PAN3: variants seen among roughly 807,000 people sequenced by gnomAD.
PAN3 encodes the protein poly(A) specific ribonuclease subunit PAN3.
In PAN3, 19 loss-of-function variants were observed where a neutral mutation model predicts 96.2. The ratio of observed to expected loss-of-function variants is 0.20; its 90% CI spans 0.14 to 0.29. The LOEUF (loss-of-function observed/expected upper bound fraction) is 0.29. Among genes scored for constraint, PAN3 ranks in the 10% least tolerant of loss-of-function variants. The probability of loss-of-function intolerance (pLI) is 1.00; values close to 1 mark genes in which losing one functional copy is unlikely to be tolerated. For synonymous variants in PAN3, 433 were observed against 406.6 expected (o/e 1.06, Z -0.78); for missense variants, 882 against 1,108.1 (o/e 0.80, Z 2.90).
chr13:28,154,433 A>G (rs1871820167), intron 1 of PAN3, among the ~76,000 whole-genome samples: 1 of 151,680 alleles, frequency 6.6e-6, no homozygotes, highest in Admixed American at 6.6e-5. Context: ...ATCTTGGTGC[A>G]TAGATATGAC....
intron 5 of PAN3, among the ~76,000 whole-genome samples, chr13:28,218,848 C>G (rs1016974477): frequency 6.6e-6 from 1 of 152,072 alleles, no homozygotes; most frequent in African/African-American, 2.4e-5. Flanking sequence ...TTGCTGTCTC[C>G]TGGTAATCTT....
At chr13:28,268,165 T>G (rs983260869) in intron 12 of PAN3, among the ~76,000 whole-genome samples, 4 of 152,176 alleles carry the variant, frequency 2.6e-5, no homozygotes, top group African/African-American at 7.2e-5. Flanking sequence ...TGTGAATCTT[T>G]TAGTACATTT....
intron 14 of PAN3, among the ~76,000 whole-genome samples, chr13:28,276,952 A>C (rs1024162082): frequency 6.6e-6 from 1 of 152,200 alleles, no homozygotes; most frequent in Admixed American, 6.5e-5. Flanking sequence ...GGAATTGCTT[A>C]AAGTCTCTTA....
intron 6 of PAN3, chr13:28,239,501 A>G: frequency 1.3e-6 from 1 of 757,396 alleles, no homozygotes; most frequent in South Asian, 1.7e-5. Flanking sequence ...GGACCCAGTA[A>G]GTTTGTCCTT....
chr13:28,167,275 C>T (rs1316812781), intron 1 of PAN3, among the ~76,000 whole-genome samples: 3 of 151,560 alleles, frequency 2.0e-5, no homozygotes, highest in Admixed American at 2.0e-4. Flanking sequence ...TAGCTGCAAC[C>T]TCCACCTCCT....
At chr13:28,231,923 A>C (rs1882598057) in intron 6 of PAN3, among the ~76,000 whole-genome samples, 1 of 152,138 alleles carries the variant, frequency 6.6e-6, no homozygotes, top group African/African-American at 2.4e-5. Context: ...ATAAATAAAT[A>C]AATAAATCTT....
At chr13:28,141,470 T>C (rs1254653589) in intron 1 of PAN3, among the ~76,000 whole-genome samples, 48 of 139,834 alleles carry the variant, frequency 3.4e-4, no homozygotes, top group East Asian at 2.4e-3. Context: ...TTCTTTTTTT[T>C]TTTTTTTTTT....
At chr13:28,139,227 G>C (rs1435746265) in intron 1 of PAN3, 140 bp downstream of exon 1, 1 of 995,072 alleles carries the variant, frequency 1.0e-6, no homozygotes, top group South Asian at 5.1e-5. Context: ...GGCCTAGGCC[G>C]GGCCTGAGCC....
chr13:28,240,664 C>T (rs186745682), intron 6 of PAN3, among the ~76,000 whole-genome samples: 145 of 152,294 alleles, frequency 9.5e-4, no homozygotes, highest in African/African-American at 3.3e-3. Context: ...TCAACTTTCG[C>T]TCCATAGCTG....
intron 6 of PAN3, among the ~76,000 whole-genome samples, chr13:28,220,833 A>G (rs1289844739): frequency 6.6e-6 from 1 of 152,192 alleles, no homozygotes; most frequent in East Asian, 1.9e-4. Context: ...ATTTGATTAT[A>G]AATGCTATAG....
intron 6 of PAN3, among the ~76,000 whole-genome samples, chr13:28,244,537 A>T (rs1883992963): frequency 6.6e-6 from 1 of 152,170 alleles, no homozygotes; most frequent in Non-Finnish European, 1.5e-5. Flanking sequence ...CATAAAGTAT[A>T]ACCTTTATGT....
intron 1 of PAN3, among the ~76,000 whole-genome samples, chr13:28,162,307 G>A (rs76170054): frequency 0.058 from 8,752 of 152,208 alleles, 487 homozygotes; most frequent in East Asian, 0.32. Context: ...CTGCTGAGGG[G>A]GTAGAGGAGC....
chr13:28,254,211 A>G (rs950451011), intron 6 of PAN3, among the ~76,000 whole-genome samples: 4 of 152,122 alleles, frequency 2.6e-5, no homozygotes, highest in Admixed American at 6.5e-5. Context: ...AATTAAATCA[A>G]CCTGAGTTTG....
intron 4 of PAN3, among the ~76,000 whole-genome samples, chr13:28,195,806 G>C (rs1016973906): frequency 2.6e-5 from 4 of 152,154 alleles, no homozygotes; most frequent in African/African-American, 9.7e-5. Context: ...AAAGTGCTGG[G>C]ATTAAGGCAT....
In PAN3 at chr13:28,293,585, G is replaced by A. The variant is rs759039237; in HGVS notation, c.*1063G>A. 4.6e-5 allele frequency: 7 copies of A among 152,320 alleles called. No individual in the cohort carries two copies. Among genetic ancestry groups the A allele is most frequent in the African/African-American group, 7.3e-5 (3 of 41,316 alleles). The allele number at this position is 152,320 out of a possible 1,614,324, so 9.4% of individuals were successfully genotyped here. On this transcript the variant is annotated 3_prime_UTR_variant, in exon 19 of 19. Transcript: ENST00000380958. ...TACAGCCTGAATTTGGAGGGATAAC[G>A]ATCTGCTGTGCCTTTGCAGTCACTG...
intron 12 of PAN3, among the ~76,000 whole-genome samples, chr13:28,270,267 G>C (rs940158893): frequency 5.3e-5 from 8 of 152,136 alleles, no homozygotes; most frequent in Non-Finnish European, 1.0e-4. Flanking sequence ...CATAAGTGAT[G>C]GTAGAGACTT....
At chr13:28,280,639 GTAACCTC>G in intron 16 of PAN3, 98 bp downstream of exon 16, 1 of 1,111,138 alleles carries the variant, frequency 9.0e-7, no homozygotes, top group Non-Finnish European at 1.2e-6. Flanking sequence ...TCGGCTTACT[GTAACCTC>G]TGCCTCCTGG....
At chr13:28,143,172 T>TC (rs1870101513) in intron 1 of PAN3, among the ~76,000 whole-genome samples, 1 of 152,092 alleles carries the variant, frequency 6.6e-6, no homozygotes, top group Admixed American at 6.6e-5. Flanking sequence ...TAGGTTGGAC[T>TC]CCAACTCCTG....
intron 6 of PAN3, among the ~76,000 whole-genome samples, chr13:28,247,814 T>TTA (rs1423957373): frequency 7.9e-5 from 12 of 152,314 alleles, no homozygotes; most frequent in African/African-American, 2.9e-4. Flanking sequence ...ACCATACTGT[T>TTA]TCGGTTACTG....
Sources: gnomAD v4.1 joint callset for allele counts (sites outside exome capture counted in the v4.1 genomes callset) on GRCh38, gnomAD v4.1.1 for gene constraint, MANE v1.5 for transcripts, NCBI Gene and HGNC (gene_info 2026-07-23, HGNC 2026-07-21) for gene names.